The following B3GALT1 variants were observed in gnomAD, a reference collection of about 807,000 sequenced individuals.
B3GALT1 encodes the protein UDP-Gal:betaGlcNAc beta 1,3-galactosyltransferase, polypeptide 1.
B3GALT1 carries 10 observed loss-of-function variants against 23.2 expected under a neutral mutation model. The observed-to-expected ratio is 0.43, with a 90% CI of 0.27 to 0.73. The LOEUF (loss-of-function observed/expected upper bound fraction) is 0.73, where lower values mean the gene tolerates loss of function less well. Among genes scored for constraint, B3GALT1 ranks in the 30% least tolerant of loss-of-function variants. The probability of loss-of-function intolerance (pLI) is 0.21; values close to 1 mark genes in which losing one functional copy is unlikely to be tolerated. For missense variants in B3GALT1, 299 were observed against 405.4 expected, an observed-to-expected ratio of 0.74 and a Z score of 2.25; for synonymous variants, 156 against 141.5, an observed-to-expected ratio of 1.10 and a Z score of -0.73.
At chr2:167,495,908 T>A (rs1699777293) in intron 2 of B3GALT1, among the ~76,000 whole-genome samples, 1 of 152,176 alleles carries the variant, frequency 6.6e-6, no homozygotes, top group South Asian at 2.1e-4. Context: ...AAAGGAATTA[T>A]GGCTTTTAAA....
intron 3 of B3GALT1, among the ~76,000 whole-genome samples, chr2:167,734,782 G>T (rs993055371): frequency 6.6e-6 from 1 of 152,134 alleles, no homozygotes; most frequent in African/African-American, 2.4e-5. Flanking sequence ...TGAGAGACAT[G>T]TTCCAAGTAT....
intron 3 of B3GALT1, among the ~76,000 whole-genome samples, chr2:167,722,452 G>A (rs1162885147): frequency 6.6e-6 from 1 of 152,158 alleles, no homozygotes; most frequent in Non-Finnish European, 1.5e-5. Context: ...CAAATGTACT[G>A]AATAAGTAGA....
intron 1 of B3GALT1, among the ~76,000 whole-genome samples, chr2:167,355,269 T>A (rs1445135090): frequency 6.6e-6 from 1 of 152,246 alleles, no homozygotes; most frequent in African/African-American, 2.4e-5. Context: ...GCCCTACAAA[T>A]AATTTGAAAA....
intron 3 of B3GALT1, among the ~76,000 whole-genome samples, chr2:167,782,615 G>A (rs893062217): frequency 6.6e-6 from 1 of 152,228 alleles, no homozygotes; most frequent in Non-Finnish European, 1.5e-5. Context: ...CCAAGTGAAT[G>A]TGGCATATTT....
chr2:167,843,333 C>G (rs531138387), intron 4 of B3GALT1, among the ~76,000 whole-genome samples: 1 of 152,254 alleles, frequency 6.6e-6, no homozygotes, highest in South Asian at 2.1e-4. Flanking sequence ...TGGAGTAGAG[C>G]TCCATTTAGA....
chr2:167,612,668 ATTAC>A (rs375577649), intron 2 of B3GALT1, among the ~76,000 whole-genome samples: 110 of 151,952 alleles, frequency 7.2e-4, no homozygotes, highest in African/African-American at 2.5e-3. Flanking sequence ...ATATTCTATA[ATTAC>A]TTATGTGTGA....
chr2:167,563,347 G>A (rs1263267547), intron 2 of B3GALT1, among the ~76,000 whole-genome samples: 2 of 144,334 alleles, frequency 1.4e-5, no homozygotes, highest in East Asian at 2.3e-4. Context: ...GCGGCTGGCC[G>A]GGCGGGGGGC....
Position 167,627,595 on chromosome 2 carries a change from C to T in B3GALT1, c.-409-19314C>T, listed in dbSNP as rs74862651. 6.2e-3 allele frequency among the ~76,000 whole-genome samples: 935 copies of T among 151,540 alleles called. 6 individuals carry two copies. The highest frequency in any genetic ancestry group is 0.018 in the African/African-American group (733 of 41,410). ...CTACTTGATGACATTTGAAATGTTG[C>T]GAGATTTTTGCAATAAGGAATAAAG... On this transcript the variant is annotated intron_variant, in intron 2 of 4. Transcript: ENST00000392690.
At chr2:167,707,326 A>G (rs978767934) in intron 3 of B3GALT1, among the ~76,000 whole-genome samples, 3 of 152,166 alleles carry the variant, frequency 2.0e-5, no homozygotes, top group East Asian at 1.9e-4. Flanking sequence ...GTAGCAATAG[A>G]TAAGTATTGA....
At chr2:167,757,165 A>G (rs556525646) in intron 3 of B3GALT1, among the ~76,000 whole-genome samples, 2 of 152,174 alleles carry the variant, frequency 1.3e-5, no homozygotes, top group Non-Finnish European at 2.9e-5. Context: ...GCACTCTATC[A>G]GCATTCACCA....
intron 1 of B3GALT1, among the ~76,000 whole-genome samples, chr2:167,478,989 G>T (rs936755109): frequency 1.3e-5 from 2 of 152,120 alleles, no homozygotes; most frequent in African/African-American, 4.8e-5. Flanking sequence ...GTGTGATCCC[G>T]GGAGGCGAAG....
At chr2:167,845,447 C>G (rs1014585911) in intron 4 of B3GALT1, among the ~76,000 whole-genome samples, 2 of 152,218 alleles carry the variant, frequency 1.3e-5, no homozygotes, top group African/African-American at 4.8e-5. Context: ...CCAGTACCAG[C>G]CTGTAGTCAG....
At chr2:167,365,191 A>G (rs193045523) in intron 1 of B3GALT1, among the ~76,000 whole-genome samples, 2 of 152,250 alleles carry the variant, frequency 1.3e-5, no homozygotes, top group East Asian at 3.9e-4. Flanking sequence ...GGAACTAGAG[A>G]CTTGCATTTA....
chr2:167,566,819 C>A (rs1263449288), intron 2 of B3GALT1, among the ~76,000 whole-genome samples: 1 of 152,084 alleles, frequency 6.6e-6, no homozygotes, highest in African/African-American at 2.4e-5. Context: ...AGTGACTGTG[C>A]CCTCTGGGGG....
chr2:167,440,148 C>A (rs1698856376), intron 1 of B3GALT1, among the ~76,000 whole-genome samples: 1 of 151,742 alleles, frequency 6.6e-6, no homozygotes, highest in South Asian at 2.1e-4. Flanking sequence ...TCAAGACCAT[C>A]CTGGCTAACA....
chr2:167,408,053 CACACACACACACACACACAG>C (rs1698330479), intron 1 of B3GALT1, among the ~76,000 whole-genome samples: 2 of 150,144 alleles, frequency 1.3e-5, no homozygotes, highest in Non-Finnish European at 3.0e-5. Context: ...CACACACACA[CACACACACACACACACACAG>C]ACACACAAAA....
chr2:167,869,139 G>A lies in B3GALT1; in HGVS notation c.100G>A (p.Gly34Ser). 8.1e-6 allele frequency: 13 copies of A among 1,614,134 alleles called. No homozygotes were observed. The highest frequency in any genetic ancestry group is 1.1e-5 in the Non-Finnish European group (13 of 1,180,036). The change falls in exon 5 of 5, where the codon GGC becomes AGC. Residue 34 changes from glycine to serine, a missense_variant. Coordinates refer to ENST00000392690, the MANE Select transcript of B3GALT1 (RefSeq NM_020981.4). This position sits in a 1 kb window ranked among gnomAD's most constrained non-coding sequence, Gnocchi z 6.4. ...SITRPTSSYT[G>S]SKPFSHLTVA... Reference sequence around the variant, plus strand: ...AACTCGCCCTACTTCTTCTTACACTGGCTCCAAACCATTCAGCCACCTAAC... The same window carrying A: ...AACTCGCCCTACTTCTTCTTACACTAGCTCCAAACCATTCAGCCACCTAAC...
intron 3 of B3GALT1, among the ~76,000 whole-genome samples, chr2:167,709,000 G>A (rs1687010165): frequency 6.6e-6 from 1 of 152,178 alleles, no homozygotes; most frequent in Non-Finnish European, 1.5e-5. Context: ...GATATTTGGG[G>A]AATTCTGTGA....
intron 1 of B3GALT1, among the ~76,000 whole-genome samples, chr2:167,337,664 G>A (rs1697080334): frequency 6.6e-6 from 1 of 151,868 alleles, no homozygotes; most frequent in Non-Finnish European, 1.5e-5. Flanking sequence ...TCTAGAGACA[G>A]TGTTGTTAGT....
Sources: gnomAD v4.1 joint callset for allele counts (sites outside exome capture counted in the v4.1 genomes callset) on GRCh38, gnomAD v4.1.1 for gene constraint, Gnocchi (gnomAD v3.1) non-coding constraint, MANE v1.5 for transcripts, NCBI Gene and HGNC (gene_info 2026-07-23, HGNC 2026-07-21) for gene names.